Variants in PRELID2 observed in about 807,000 individuals in gnomAD.
PRELID2 encodes PRELI domain containing 2.
In PRELID2, 25 loss-of-function variants were observed where a neutral mutation model predicts 28.4. That is an observed-to-expected ratio of 0.88 (90% CI 0.64 to 1.23). The LOEUF is 1.23. PRELID2 is among the 50% of genes most tolerant of loss of function. The probability of loss-of-function intolerance (pLI) is 0.00; values close to 1 mark genes in which losing one functional copy is unlikely to be tolerated. For missense variants in PRELID2, 201 were observed against 214.4 expected, an observed-to-expected ratio of 0.94 and a Z score of 0.39; for synonymous variants, 76 against 71.6, an observed-to-expected ratio of 1.06 and a Z score of -0.31.
chr5:145,817,201 AAATAAATAAATAAAAAAAAATAT>A lies in PRELID2; in HGVS notation c.368+670_368+692del, dbSNP rs1561643621. 5.0e-4 allele frequency among the ~76,000 whole-genome samples: 36 copies of A among 72,116 alleles called. 2 individuals are homozygous for A. Among genetic ancestry groups the A allele is most frequent in the Non-Finnish European group, 8.7e-4 (29 of 33,342 alleles). 47.3% of individuals were successfully genotyped at this position (72,116 alleles called of 152,430 possible). On this transcript the variant is annotated intron_variant, in intron 4 of 6. Transcript: ENST00000683046. ...GCAAGACTGCATTTCAAAAAAAAATAAATAAATAAATAAAAAAAAATATATATATATATATACTTTAGATAAAC... is the reference window on the plus strand; with the variant it reads ...GCAAGACTGCATTTCAAAAAAAAATAATATATATATATACTTTAGATAAAC...
intron 1 of PRELID2, among the ~76,000 whole-genome samples, chr5:145,651,430 C>G (rs1300959608): frequency 1.3e-5 from 2 of 152,302 alleles, no homozygotes; most frequent in South Asian, 2.1e-4. Flanking sequence ...AGCACGGAGT[C>G]TGAGATCTGA....
chr5:145,739,203 T>C (rs11167908), intron 1 of PRELID2, among the ~76,000 whole-genome samples: 18,924 of 152,156 alleles, frequency 0.12, 1,671 homozygotes, highest in East Asian at 0.46. Flanking sequence ...AAAAACAATT[T>C]AAATAAGAAA....
At chr5:145,368,636 G>T in the PRELID2 span, among the ~76,000 whole-genome samples, 12 of 151,750 alleles carry the variant, frequency 7.9e-5, no homozygotes, top group East Asian at 2.3e-3. Flanking sequence ...TTTTCTTGTT[G>T]GTTTTCATTT....
At chr5:145,434,021 T>C in the PRELID2 span, among the ~76,000 whole-genome samples, 1 of 152,184 alleles carries the variant, frequency 6.6e-6, no homozygotes, top group Non-Finnish European at 1.5e-5. Flanking sequence ...ATAGATTGCA[T>C]GTTTTCATTA....
At chr5:145,778,951 T>G (rs1194727251) in intron 5 of PRELID2, among the ~76,000 whole-genome samples, 1 of 152,114 alleles carries the variant, frequency 6.6e-6, no homozygotes, top group Non-Finnish European at 1.5e-5. Flanking sequence ...CTAAGCAAAT[T>G]GGATGAGGTA....
chr5:145,666,583 A>G (rs1312211830), intron 1 of PRELID2, among the ~76,000 whole-genome samples: 2 of 152,114 alleles, frequency 1.3e-5, no homozygotes, highest in East Asian at 3.9e-4. Context: ...ACTCACTCAT[A>G]GTACCCTGTG....
chr5:145,543,927 G>A (rs775710245), intron 1 of PRELID2, among the ~76,000 whole-genome samples: 46 of 151,952 alleles, frequency 3.0e-4, no homozygotes, highest in Non-Finnish European at 4.3e-4. Flanking sequence ...CTGAGAACAG[G>A]TAGGGCAGTG....
the PRELID2 span, among the ~76,000 whole-genome samples, chr5:145,381,421 C>T: frequency 6.6e-6 from 1 of 152,240 alleles, no homozygotes; most frequent in South Asian, 2.1e-4. Context: ...TTTGTTATTA[C>T]TTTTAATGGC....
At chr5:145,554,564 A>T (rs1480349759) in intron 1 of PRELID2, among the ~76,000 whole-genome samples, 3 of 152,202 alleles carry the variant, frequency 2.0e-5, no homozygotes, top group African/African-American at 7.2e-5. Context: ...GCTGGTTGGC[A>T]ACTCTCCCAG....
At chr5:145,547,576 C>T (rs150608938) in intron 1 of PRELID2, among the ~76,000 whole-genome samples, 2,068 of 152,018 alleles carry the variant, frequency 0.014, 24 homozygotes, top group Non-Finnish European at 0.022. Context: ...CTCTTGCAAG[C>T]GCAGTTGAAC....
the PRELID2 span, among the ~76,000 whole-genome samples, chr5:145,452,085 T>C: frequency 6.6e-6 from 1 of 152,300 alleles, no homozygotes; most frequent in Admixed American, 6.5e-5. Flanking sequence ...TTGTAACTTG[T>C]TCACTCTACA....
At chr5:145,442,324 T>C in the PRELID2 span, among the ~76,000 whole-genome samples, 4 of 152,016 alleles carry the variant, frequency 2.6e-5, no homozygotes, top group East Asian at 1.9e-4. Context: ...ATACCTTTAG[T>C]TGTGCCTGGT....
At chr5:145,745,890 T>C (rs527470844) in intron 1 of PRELID2, among the ~76,000 whole-genome samples, 1 of 146,986 alleles carries the variant, frequency 6.8e-6, no homozygotes, top group Non-Finnish European at 1.5e-5. Context: ...GAATTTTCAA[T>C]CCAGAATTTC....
the PRELID2 span, chr5:145,451,044 C>T: frequency 6.6e-6 from 1 of 152,278 alleles, no homozygotes; most frequent in Middle Eastern, 3.4e-3. Context: ...GACCATTTTC[C>T]TCCATTCATA....
chr5:145,443,705 G>A, the PRELID2 span, among the ~76,000 whole-genome samples: 3 of 151,966 alleles, frequency 2.0e-5, no homozygotes, highest in African/African-American at 7.3e-5. Flanking sequence ...CCTCCTTTGA[G>A]CTCTCAAAAA....
chr5:145,322,465 T>C, the PRELID2 span, among the ~76,000 whole-genome samples: 1 of 152,190 alleles, frequency 6.6e-6, no homozygotes, highest in African/African-American at 2.4e-5. Context: ...ACATGTAGCA[T>C]TGAGAGGACT....
intron 5 of PRELID2, among the ~76,000 whole-genome samples, chr5:145,787,954 A>G (rs1752112820): frequency 6.6e-6 from 1 of 152,150 alleles, no homozygotes; most frequent in Admixed American, 6.5e-5. Context: ...AAATTGTCTA[A>G]AAAGGCTCCT....
At chr5:145,562,452 T>C (rs946259831) in intron 1 of PRELID2, among the ~76,000 whole-genome samples, 1 of 152,254 alleles carries the variant, frequency 6.6e-6, no homozygotes, top group African/African-American at 2.4e-5. Context: ...CTAGATGATC[T>C]ATTATGGTTC....
chr5:145,351,487 T>C, the PRELID2 span, among the ~76,000 whole-genome samples: 10 of 152,144 alleles, frequency 6.6e-5, no homozygotes, highest in Non-Finnish European at 1.5e-4. Flanking sequence ...CCCCCAAGAT[T>C]CAATTACCTC....
Sources: allele counts gnomAD v4.1 joint callset (sites outside exome capture counted in the v4.1 genomes callset), GRCh38; gene constraint gnomAD v4.1.1; transcripts MANE v1.5; gene names NCBI Gene and HGNC (gene_info 2026-07-23, HGNC 2026-07-21).